MECOM: variants seen among roughly 807,000 people sequenced by gnomAD.
MECOM encodes MDS1 and EVI1 complex locus.
In MECOM, 13 loss-of-function variants were observed where a neutral mutation model predicts 116.3. That is an observed-to-expected ratio of 0.11 (90% CI 0.07 to 0.18). The LOEUF (loss-of-function observed/expected upper bound fraction) is 0.18. MECOM is among the 10% of genes least tolerant of loss of function. MECOM has a pLI of 1.00. For missense variants in MECOM, 1,299 were observed against 1,509.0 expected, an observed-to-expected ratio of 0.86 and a Z score of 2.31; for synonymous variants, 528 against 535.2, an observed-to-expected ratio of 0.99 and a Z score of 0.19.
intron 2 of MECOM, among the ~76,000 whole-genome samples, chr3:169,252,979 T>C (rs1369831346): frequency 1.3e-5 from 2 of 152,204 alleles, no homozygotes; most frequent in Admixed American, 6.5e-5. Flanking sequence ...TCTTATTCTT[T>C]AATACTTAAC....
intron 1 of MECOM, among the ~76,000 whole-genome samples, chr3:169,597,269 G>A (rs1767249770): frequency 6.6e-6 from 1 of 152,232 alleles, no homozygotes; most frequent in South Asian, 2.1e-4. Flanking sequence ...CTAAATGACA[G>A]CTCAGAGGGC....
intron 1 of MECOM, among the ~76,000 whole-genome samples, chr3:169,651,118 A>G (rs931302736): frequency 9.9e-5 from 15 of 151,922 alleles, no homozygotes; most frequent in African/African-American, 3.1e-4. Flanking sequence ...ACTTTTCCCC[A>G]CTCAGTGTTA....
At chr3:169,126,326 T>C (rs1397649771) in intron 5 of MECOM, among the ~76,000 whole-genome samples, 2 of 152,120 alleles carry the variant, frequency 1.3e-5, no homozygotes, top group African/African-American at 4.8e-5. Flanking sequence ...TTTTGCTTTA[T>C]AATGCCGTTC....
intron 1 of MECOM, among the ~76,000 whole-genome samples, chr3:169,446,153 G>A (rs1009234124): frequency 6.6e-6 from 1 of 152,162 alleles, no homozygotes; most frequent in African/African-American, 2.4e-5. Flanking sequence ...GTTTTGAAAT[G>A]TGAGGACATG....
intron 1 of MECOM, among the ~76,000 whole-genome samples, chr3:169,634,403 A>C (rs1233243957): frequency 6.6e-6 from 1 of 152,190 alleles, no homozygotes. Context: ...GGAGCATCAC[A>C]AGTAAGTTTA....
chr3:169,161,477 C>G (rs9861954), intron 2 of MECOM, among the ~76,000 whole-genome samples: 17,540 of 151,880 alleles, frequency 0.12, 2,457 homozygotes, highest in African/African-American at 0.34. Context: ...AGACAAAAGA[C>G]TTTTTTTTCC....
chr3:169,462,647 A>G (rs557061473), intron 1 of MECOM, among the ~76,000 whole-genome samples: 1 of 152,312 alleles, frequency 6.6e-6, no homozygotes, highest in African/African-American at 2.4e-5. Context: ...TCTGTATCAC[A>G]CTGGAAAACA....
chr3:169,607,005 G>T (rs1250850081), intron 1 of MECOM, among the ~76,000 whole-genome samples: 1 of 152,144 alleles, frequency 6.6e-6, no homozygotes. Context: ...CAGAGAAGGG[G>T]AATAGATATT....
intron 2 of MECOM, among the ~76,000 whole-genome samples, chr3:169,271,303 T>A (rs994661250): frequency 6.6e-6 from 1 of 152,164 alleles, no homozygotes; most frequent in African/African-American, 2.4e-5. Context: ...GAAGCCAGAT[T>A]ATCCTGATAA....
At chr3:169,573,543 T>C in intron 1 of MECOM, among the ~76,000 whole-genome samples, 1 of 152,356 alleles carries the variant, frequency 6.6e-6, no homozygotes, top group African/African-American at 2.4e-5. Flanking sequence ...TACAGAATCC[T>C]TTTTTCTTTT....
At position 169,263,122 on chromosome 3, in the gene MECOM, T is replaced by C. The variant is rs75100998; in HGVS notation, c.375+118065A>G. Among the ~76,000 whole-genome samples, 113 of 73,788 alleles carry C rather than the reference T, an allele frequency of 1.5e-3. 2 individuals are homozygous for C. The highest frequency in any genetic ancestry group is 1.7e-3 in the Non-Finnish European group (69 of 40,184). 48.4% of individuals were successfully genotyped at this position (73,788 alleles called of 152,430 possible). ...ATATATATATATATATATATATATA[T>C]ATATATGTTTTTTTTTTTTTTTTTG... On this transcript the variant is annotated intron_variant, in intron 2 of 16. Transcript: ENST00000651503.
At chr3:169,475,871 T>C (rs1364116015) in intron 1 of MECOM, among the ~76,000 whole-genome samples, 3 of 152,218 alleles carry the variant, frequency 2.0e-5, no homozygotes, top group Non-Finnish European at 4.4e-5. Flanking sequence ...GGCTCAAAGA[T>C]AATTCTTGCT....
At chr3:169,569,756 G>A (rs1179345404) in intron 1 of MECOM, among the ~76,000 whole-genome samples, 1 of 152,122 alleles carries the variant, frequency 6.6e-6, no homozygotes, top group Admixed American at 6.5e-5. Context: ...AATTAAGGCA[G>A]AAATAAATAA....
At chr3:169,521,351 G>C (rs1263964067) in intron 1 of MECOM, among the ~76,000 whole-genome samples, 3 of 152,120 alleles carry the variant, frequency 2.0e-5, no homozygotes, top group Non-Finnish European at 2.9e-5. Flanking sequence ...AGAAGTGATT[G>C]GTAAATGCTC....
chr3:169,092,987 G>T lies in MECOM; in HGVS notation c.3135C>A (p.Gly1045=). Residue 1045 remains glycine (G), a synonymous_variant, in exon 14 of 17, where the codon GGC becomes GGA. Transcript: ENST00000651503. The part of the protein sequence containing the change: ...IRNFIGNSNH[G]SQSPRNVEER... ...CCTCCACATTCCTGGGAGATTGGCT[G>T]CCATGGTTGCTGTTCCCAATGAAAT... The T allele has an allele frequency of 6.2e-7, 1 of 1,613,774 alleles. No individual in the cohort carries two copies. Among genetic ancestry groups the T allele is most frequent in the Non-Finnish European group, 8.5e-7 (1 of 1,179,764 alleles).
At chr3:169,207,344 G>T (rs1421303866) in intron 2 of MECOM, among the ~76,000 whole-genome samples, 3 of 152,188 alleles carry the variant, frequency 2.0e-5, no homozygotes, top group Non-Finnish European at 4.4e-5. Flanking sequence ...TGGATACACA[G>T]TGGGCGGAAG....
intron 2 of MECOM, among the ~76,000 whole-genome samples, chr3:169,268,970 C>G (rs746636781): frequency 1.5e-4 from 23 of 152,092 alleles, no homozygotes; most frequent in Non-Finnish European, 3.4e-4. Flanking sequence ...AGCAGCAAGT[C>G]CAGCCTATCC....
chr3:169,479,194 C>A (rs187373588), intron 1 of MECOM, among the ~76,000 whole-genome samples: 3 of 151,898 alleles, frequency 2.0e-5, no homozygotes, highest in African/African-American at 7.3e-5. Flanking sequence ...ATCTAACATA[C>A]GCTAGGGTCT....
At chr3:169,095,044 A>G (rs1398974574) in intron 13 of MECOM, 32 bp downstream of exon 13, 10 of 1,486,884 alleles carry the variant, frequency 6.7e-6, no homozygotes, top group Non-Finnish European at 9.0e-6. Context: ...AAAAGAAGTC[A>G]TCTTTGACTT....
Sources: gnomAD v4.1 joint callset for allele counts (sites outside exome capture counted in the v4.1 genomes callset) on GRCh38, gnomAD v4.1.1 for gene constraint, MANE v1.5 for transcripts, NCBI Gene and HGNC (gene_info 2026-07-23, HGNC 2026-07-21) for gene names.